The following CFAP52 variants were observed in gnomAD, a reference collection of about 807,000 sequenced individuals.
CFAP52 encodes cilia- and flagella-associated protein 52.
A neutral mutation model predicts 70.5 loss-of-function variants in CFAP52; 57 were observed. The ratio of observed to expected loss-of-function variants is 0.81; its 90% CI spans 0.65 to 1.01. The LOEUF is 1.01. Among genes scored for constraint, CFAP52 ranks in the 50% least tolerant of loss-of-function variants. The pLI is 0.00. For missense variants in CFAP52, 785 were observed against 788.5 expected (o/e 1.00, Z 0.05); for synonymous variants, 267 against 292.5 (o/e 0.91, Z 0.89).
At position 9,643,005 on chromosome 17, in the gene CFAP52, C is replaced by A. The variant is rs374891427; in HGVS notation, c.1688-18C>A. The A allele has an allele frequency of 1.6e-4, 259 of 1,583,950 alleles. No homozygotes were observed. The highest frequency in any genetic ancestry group is 9.3e-5 in the Non-Finnish European group (108 of 1,164,614). On this transcript the variant is annotated intron_variant, in intron 13 of 13. Coordinates refer to ENST00000352665, the MANE Select transcript of CFAP52 (RefSeq NM_145054.5). ...TCTCCTATTGCAGCAATGCCATATACGTGTTTATCTTTTTCAGGTGGAAAT... is the reference window on the plus strand; with the variant it reads ...TCTCCTATTGCAGCAATGCCATATAAGTGTTTATCTTTTTCAGGTGGAAAT...
chr17:9,642,351 T>C (rs1044993064), intron 13 of CFAP52, among the ~76,000 whole-genome samples: 1 of 152,160 alleles, frequency 6.6e-6, no homozygotes, highest in Non-Finnish European at 1.5e-5. Flanking sequence ...CGGCCAGGCG[T>C]GGTGGCTCAT....
intron 4 of CFAP52, chr17:9,594,541 C>A: frequency 2.2e-6 from 1 of 446,578 alleles, no homozygotes; most frequent in Non-Finnish European, 3.6e-6. Context: ...AAAGATTTTG[C>A]TTACCTGCTT....
At chr17:9,597,831 A>AG (rs57688684) in intron 4 of CFAP52, among the ~76,000 whole-genome samples, 7,152 of 131,234 alleles carry the variant, frequency 0.054, 352 homozygotes, top group East Asian at 0.3. Flanking sequence ...GAGAGAGAGA[A>AG]AGAGAGAAAG....
rs370297079 is a variant in CFAP52 at position 9,612,414 on chromosome 17, G to A, written c.960G>A (p.Thr320=). ...CGCACATTTATCGTGTCAGCTTCACGGATTTCAAAGAGACGCTCATAGCGA... is the reference window on the plus strand; with the variant it reads ...CGCACATTTATCGTGTCAGCTTCACAGATTTCAAAGAGACGCTCATAGCGA... ...EESHIYRVSF[T]DFKETLIATC... The change falls in exon 8 of 14, where the codon ACG becomes ACA. Residue 320 remains threonine (T), a synonymous_variant. Coordinates refer to ENST00000352665, the MANE Select transcript of CFAP52 (RefSeq NM_145054.5). 172 of 1,614,062 alleles carry A rather than the reference G, an allele frequency of 1.1e-4. No homozygotes were observed. Among genetic ancestry groups the A allele is most frequent in the Non-Finnish European group, 1.4e-4 (167 of 1,180,044 alleles).
chr17:9,611,800 CT>C (rs1197730984), intron 7 of CFAP52, among the ~76,000 whole-genome samples: 1 of 152,052 alleles, frequency 6.6e-6, no homozygotes, highest in African/African-American at 2.4e-5. Context: ...ATCTTTTAAA[CT>C]TTTTTTAGGC....
At chr17:9,598,109 T>C (rs546121129) in intron 4 of CFAP52, 125 bp from the exon 5 acceptor site, 2 of 672,758 alleles carry the variant, frequency 3.0e-6, no homozygotes, top group African/African-American at 3.6e-5. Context: ...AGATCTTTCA[T>C]AGTGCACTAG....
At chr17:9,594,892 G>A (rs201896769) in intron 4 of CFAP52, among the ~76,000 whole-genome samples, 17 of 39,006 alleles carry the variant, frequency 4.4e-4, no homozygotes, top group African/African-American at 1.5e-3. Flanking sequence ...AATTAGGGAG[G>A]GTTTTTTTTT....
At chr17:9,582,783 T>C (rs1908281970) in intron 1 of CFAP52, among the ~76,000 whole-genome samples, 2 of 152,136 alleles carry the variant, frequency 1.3e-5, no homozygotes, top group Non-Finnish European at 2.9e-5. Flanking sequence ...ATTATAGGTG[T>C]CCACCACTAC....
At chr17:9,586,038 A>C in intron 2 of CFAP52, 66 bp downstream of exon 2, 1 of 1,530,372 alleles carries the variant, frequency 6.5e-7, no homozygotes, top group Non-Finnish European at 9.0e-7. Flanking sequence ...GAACTGCCCC[A>C]CTTCAAGTTG....
intron 6 of CFAP52, among the ~76,000 whole-genome samples, chr17:9,602,525 A>G (rs1909317349): frequency 6.6e-6 from 1 of 152,100 alleles, no homozygotes; most frequent in African/African-American, 2.4e-5. Flanking sequence ...CCAGTCTATC[A>G]TTGATGGACA....
downstream of CFAP52, among the ~76,000 whole-genome samples, chr17:9,644,406 G>A (rs1321026036): frequency 6.6e-6 from 1 of 152,126 alleles, no homozygotes; most frequent in African/African-American, 2.4e-5. Flanking sequence ...CGCCCGGCCA[G>A]GATCAAGAAT....
At chr17:9,608,089 G>A (rs1380172669) in intron 6 of CFAP52, 30 bp from the exon 7 acceptor site, 1 of 1,572,346 alleles carries the variant, frequency 6.4e-7, no homozygotes, top group Non-Finnish European at 8.7e-7. Flanking sequence ...AGATTTTTGT[G>A]CTTTTTCTTA....
intron 8 of CFAP52, among the ~76,000 whole-genome samples, chr17:9,616,148 T>G (rs577483451): frequency 7.0e-6 from 1 of 141,862 alleles, no homozygotes; most frequent in Non-Finnish European, 1.5e-5. Flanking sequence ...GCGCGCACCG[T>G]GCGCGAGCCG....
At position 9,626,460 on chromosome 17, in the gene CFAP52, C is replaced by A. The variant is rs1030245228; in HGVS notation, c.1026-2212C>A. On this transcript the variant is annotated intron_variant, in intron 8 of 13. Transcript: ENST00000352665. ...GGCCAGGCTGGTCTCAAACTCCTGA[C>A]CTCAGGTGATCCACTCACCTTGGCC... is the stretch of plus-strand genomic sequence containing the variant. 4.6e-5 allele frequency among the ~76,000 whole-genome samples: 7 copies of A among 152,292 alleles called. No individual in the cohort carries two copies. The East Asian group carries it at 9.7e-4, about 21-fold the overall frequency.
Position 9,641,713 on chromosome 17 carries a change from C to G in CFAP52, c.1576-11C>G. Reference sequence around the variant, plus strand: ...CTGAGTCCTGCTTAATGCTTCTTTCCTGAATTCCAGATTGCTTACTGGGAA... The same window carrying G: ...CTGAGTCCTGCTTAATGCTTCTTTCGTGAATTCCAGATTGCTTACTGGGAA... On this transcript the variant is annotated splice_polypyrimidine_tract_variant and intron_variant, in intron 12 of 13. Coordinates refer to ENST00000352665, the MANE Select transcript of CFAP52 (RefSeq NM_145054.5). 1 of 1,604,392 alleles carries G rather than the reference C, an allele frequency of 6.2e-7. No individual in the cohort carries two copies. Among genetic ancestry groups the G allele is most frequent in the Non-Finnish European group, 8.5e-7 (1 of 1,171,502 alleles).
intron 9 of CFAP52, among the ~76,000 whole-genome samples, chr17:9,629,496 T>TTTCTTTCTTTCTTTC (rs375629381): frequency 1.4e-3 from 209 of 146,444 alleles, no homozygotes; most frequent in African/African-American, 5.1e-3. Flanking sequence ...TCTTTCTTTC[T>TTTCTTTCTTTCTTTC]TTTCTTTTCT....
chr17:9,627,756 T>G (rs893168342), intron 8 of CFAP52, among the ~76,000 whole-genome samples: 2 of 152,218 alleles, frequency 1.3e-5, no homozygotes, highest in African/African-American at 4.8e-5. Flanking sequence ...TGTCTCACTC[T>G]GTCATCCAGG....
chr17:9,640,335 A>G (rs1047638650), intron 12 of CFAP52, among the ~76,000 whole-genome samples: 37 of 148,632 alleles, frequency 2.5e-4, no homozygotes, highest in African/African-American at 9.2e-4. Flanking sequence ...GGATCATCCC[A>G]TCACCTCGGT....
chr17:9,605,146 T>C (rs528349561), intron 6 of CFAP52, among the ~76,000 whole-genome samples: 6 of 152,312 alleles, frequency 3.9e-5, no homozygotes, highest in African/African-American at 1.4e-4. Flanking sequence ...TGCACACAGA[T>C]GTTTACAGAA....
Sources: gnomAD v4.1 joint callset for allele counts (sites outside exome capture counted in the v4.1 genomes callset) on GRCh38, gnomAD v4.1.1 for gene constraint, MANE v1.5 for transcripts, NCBI Gene and HGNC (gene_info 2026-07-23, HGNC 2026-07-21) for gene names.